Variants in SORCS2 observed in about 807,000 individuals in gnomAD.
SORCS2 encodes the protein sortilin related VPS10 domain containing receptor 2, also known as VPS10 domain-containing receptor SorCS2.
A neutral mutation model predicts 141.6 loss-of-function variants in SORCS2; 100 were observed. That is an observed-to-expected ratio of 0.71 (90% CI 0.60 to 0.83). SORCS2 has a LOEUF of 0.83. SORCS2 is among the 40% of genes least tolerant of loss of function. The pLI is 0.00. For missense variants in SORCS2, 1,646 were observed against 1,560.2 expected (o/e 1.05, Z -0.93); for synonymous variants, 789 against 676.9 (o/e 1.17, Z -2.57).
At chr4:7,352,714 G>A (rs576065615) in intron 1 of SORCS2, among the ~76,000 whole-genome samples, 4 of 152,196 alleles carry the variant, frequency 2.6e-5, no homozygotes, top group Admixed American at 2.6e-4. Flanking sequence ...CCTCACACCT[G>A]CTGCAGCTGG....
In SORCS2 at chr4:7,192,867, G is replaced by T; in HGVS notation, c.221G>T (p.Gly74Val). The T allele has an allele frequency of 9.3e-6, 10 of 1,070,874 alleles. No homozygotes were observed. Among genetic ancestry groups the T allele is most frequent in the Non-Finnish European group, 1.0e-5 (9 of 887,240 alleles). The allele number at this position is 1,070,874 out of a possible 1,614,324, so 66.3% of individuals were successfully genotyped here. A position where few individuals can be genotyped will look rare whatever the true frequency, so the allele number is the denominator to read the frequency against. Reference protein sequence around the residue: ...LTRVPRSPPAGRAEPGGGEDR... With the variant: ...LTRVPRSPPAVRAEPGGGEDR... ...CGGGTGCCGCGGAGCCCTCCCGCGGGGCGCGCGGAGCCCGGTGGCGGCGAG... is the reference window on the plus strand; with the variant it reads ...CGGGTGCCGCGGAGCCCTCCCGCGGTGCGCGCGGAGCCCGGTGGCGGCGAG... Residue 74 changes from glycine (G) to valine (V), a missense_variant, in exon 1 of 27, where the codon GGG becomes GTG. Gly to Val is a moderately radical substitution (Grantham distance 109). Transcript: ENST00000507866. This position sits in a 1 kb window ranked among gnomAD's most constrained non-coding sequence, Gnocchi z 4.0.
chr4:7,439,299 C>G (rs980890305), intron 2 of SORCS2, among the ~76,000 whole-genome samples: 3 of 152,168 alleles, frequency 2.0e-5, no homozygotes, highest in African/African-American at 7.2e-5. Flanking sequence ...TGTAACTCCC[C>G]TGCCCAACAG....
intron 10 of SORCS2, among the ~76,000 whole-genome samples, chr4:7,685,708 C>T (rs933045801): frequency 8.8e-5 from 13 of 147,610 alleles, no homozygotes; most frequent in African/African-American, 3.5e-4. Flanking sequence ...TATATGACAG[C>T]CGTATGGCTC....
At chr4:7,275,846 C>T (rs1715465124) in intron 1 of SORCS2, among the ~76,000 whole-genome samples, 1 of 152,170 alleles carries the variant, frequency 6.6e-6, no homozygotes, top group South Asian at 2.1e-4. Context: ...TCTCCTGTCT[C>T]ATTTATTCAA....
intron 3 of SORCS2, among the ~76,000 whole-genome samples, chr4:7,557,613 A>G (rs1314997134): frequency 1.3e-5 from 2 of 152,230 alleles, no homozygotes; most frequent in East Asian, 1.9e-4. Flanking sequence ...GATTCATCCA[A>G]TGAGTTTTTA....
chr4:7,581,883 T>C (rs1716180843), intron 3 of SORCS2, among the ~76,000 whole-genome samples: 1 of 152,164 alleles, frequency 6.6e-6, no homozygotes. Context: ...CACCTAGAAA[T>C]GGTGTTTTTA....
intron 1 of SORCS2, among the ~76,000 whole-genome samples, chr4:7,271,567 C>G (rs1360374319): frequency 3.3e-5 from 5 of 152,244 alleles, no homozygotes; most frequent in Non-Finnish European, 5.9e-5. Flanking sequence ...ACGTTTCTTT[C>G]CAATGGCATT....
rs573742115 is a variant in SORCS2 at position 7,676,494 on chromosome 4, A to G, written c.1341+265A>G. Among the ~76,000 whole-genome samples, 374 of 152,304 alleles carry G rather than the reference A, an allele frequency of 2.5e-3. 1 individual carries two copies. The highest frequency in any genetic ancestry group is 4.2e-3 in the Non-Finnish European group (286 of 68,022). ...AGTATAAGTTCTTGTCATGAGAAGA[A>G]TGGAATTCTTTGAGGGAATAACATT... is the stretch of plus-strand genomic sequence containing the variant. On this transcript the variant is annotated intron_variant, in intron 9 of 26. Coordinates refer to ENST00000507866, the MANE Select transcript of SORCS2 (RefSeq NM_020777.3).
intron 3 of SORCS2, among the ~76,000 whole-genome samples, chr4:7,574,345 A>G (rs1715604816): frequency 6.6e-6 from 1 of 152,244 alleles, no homozygotes; most frequent in African/African-American, 2.4e-5. Flanking sequence ...CCCTGAGAAC[A>G]GCTTGCCTGT....
intron 1 of SORCS2, among the ~76,000 whole-genome samples, chr4:7,378,558 G>C (rs777430670): frequency 3.3e-5 from 5 of 152,132 alleles, no homozygotes; most frequent in Admixed American, 6.5e-5. Context: ...CACCTATCAC[G>C]AGAATGGCAT....
intron 1 of SORCS2, among the ~76,000 whole-genome samples, chr4:7,377,773 T>C (rs570740029): frequency 3.9e-5 from 6 of 152,204 alleles, no homozygotes; most frequent in Non-Finnish European, 7.3e-5. Flanking sequence ...AGGTCTGTTT[T>C]ATAACAAGTC....
chr4:7,318,079 A>G (rs1260834477), intron 1 of SORCS2, among the ~76,000 whole-genome samples: 1 of 152,240 alleles, frequency 6.6e-6, no homozygotes, highest in Non-Finnish European at 1.5e-5. Flanking sequence ...GTGATACAGC[A>G]GCAGACATAA....
chr4:7,386,362 G>T (rs1306020368), intron 1 of SORCS2, among the ~76,000 whole-genome samples: 1 of 110,300 alleles, frequency 9.1e-6, no homozygotes. Context: ...TGCACACACA[G>T]ATACACAGAA....
chr4:7,293,176 C>T (rs1480673668), intron 1 of SORCS2, among the ~76,000 whole-genome samples: 1 of 152,060 alleles, frequency 6.6e-6, no homozygotes, highest in Non-Finnish European at 1.5e-5. Context: ...TGGTGGCGGG[C>T]ACCTGTAGTC....
intron 1 of SORCS2, among the ~76,000 whole-genome samples, chr4:7,229,114 C>T (rs1258606279): frequency 6.6e-6 from 1 of 152,196 alleles, no homozygotes; most frequent in Admixed American, 6.5e-5. Flanking sequence ...TCTGGGTCTG[C>T]CTGTGAGGGT....
At chr4:7,724,480 G>GA (rs1553808403) in intron 19 of SORCS2, among the ~76,000 whole-genome samples, 20,521 of 71,038 alleles carry the variant, frequency 0.29, 3,334 homozygotes, top group Admixed American at 0.47. Flanking sequence ...GGTGATGGTG[G>GA]TGATGGTGGT....
At chr4:7,658,582 G>T (rs1479311962) in intron 5 of SORCS2, among the ~76,000 whole-genome samples, 1 of 152,190 alleles carries the variant, frequency 6.6e-6, no homozygotes, top group Non-Finnish European at 1.5e-5. Flanking sequence ...CTTTAACTAG[G>T]GTCAAAATGA....
In SORCS2 at chr4:7,451,960, G is replaced by A. The variant is rs373063781; in HGVS notation, c.548+55605G>A. ...AGGTGCTTGCGCGAGTGCACATTTG[G>A]CCAAGGCAGGAAGTGCCCTTCACAG... On this transcript the variant is annotated intron_variant, in intron 2 of 26. Transcript: ENST00000507866. Among the ~76,000 whole-genome samples the A allele has an allele frequency of 1.4e-4, 22 of 152,244 alleles. No homozygotes were observed. The East Asian group carries it at 3.9e-3, about 27-fold the overall frequency.
chr4:7,394,018 G>C (rs1054003400), intron 1 of SORCS2, among the ~76,000 whole-genome samples: 1 of 151,828 alleles, frequency 6.6e-6, no homozygotes, highest in East Asian at 1.9e-4. Context: ...TCCAGCACTG[G>C]CCCTTCCTGG....
Sources: allele counts gnomAD v4.1 joint callset (sites outside exome capture counted in the v4.1 genomes callset), GRCh38; gene constraint gnomAD v4.1.1; non-coding constraint Gnocchi (gnomAD v3.1); transcripts MANE v1.5; gene names NCBI Gene and HGNC (gene_info 2026-07-23, HGNC 2026-07-21).